Variants in RUNDC3B observed in about 807,000 individuals in gnomAD.
RUNDC3B encodes the protein RUN domain containing 3B.
A neutral mutation model predicts 58.4 loss-of-function variants in RUNDC3B; 33 were observed. The observed-to-expected ratio is 0.56, with a 90% CI of 0.43 to 0.75. The LOEUF (loss-of-function observed/expected upper bound fraction) is 0.75. RUNDC3B is among the 30% of genes least tolerant of loss of function. The pLI is 0.00. For missense variants in RUNDC3B, 501 were observed against 535.7 expected, an observed-to-expected ratio of 0.94 and a Z score of 0.64; for synonymous variants, 193 against 195.2, an observed-to-expected ratio of 0.99 and a Z score of 0.10.
At chr7:87,768,937 A>C (rs1323285673) in intron 6 of RUNDC3B, among the ~76,000 whole-genome samples, 1 of 152,058 alleles carries the variant, frequency 6.6e-6, no homozygotes, top group African/African-American at 2.4e-5. Context: ...TTATGATAGA[A>C]TCAGAAATCC....
intron 6 of RUNDC3B, among the ~76,000 whole-genome samples, chr7:87,762,678 G>A (rs1293616605): frequency 6.6e-6 from 1 of 151,228 alleles, no homozygotes; most frequent in African/African-American, 2.4e-5. Flanking sequence ...CATTGTAAAT[G>A]CATTTCAATT....
At chr7:87,824,991 T>G (rs1837718682) in intron 10 of RUNDC3B, among the ~76,000 whole-genome samples, 1 of 151,982 alleles carries the variant, frequency 6.6e-6, no homozygotes, top group Non-Finnish European at 1.5e-5. Flanking sequence ...TTCAGAAAAT[T>G]TGCAGCCTGA....
In RUNDC3B at chr7:87,628,845, G is replaced by A; in HGVS notation, c.22G>A (p.Gly8Ser). Residue 8 changes from glycine (G) to serine (S), a missense_variant, in exon 1 of 11, where the codon GGC becomes AGC. Physicochemically the swap from Gly to Ser is moderately conservative, Grantham distance 56. Transcript: ENST00000394654. MASRSLGGLSGIRGGGGG... is the reference protein window; with the variant it reads MASRSLGSLSGIRGGGGG... ...CGCCATGGCCTCCCGGAGCCTGGGG[G>A]GCCTGAGCGGGATCCGCGGCGGTGG... 2 of 1,266,994 alleles carry A rather than the reference G, an allele frequency of 1.6e-6. No individual in the cohort carries two copies. Among genetic ancestry groups the A allele is most frequent in the Non-Finnish European group, 2.0e-6 (2 of 998,802 alleles). 78.5% of individuals were successfully genotyped at this position (1,266,994 alleles called of 1,614,324 possible). A position where few individuals can be genotyped will look rare whatever the true frequency, so the allele number is the denominator to read the frequency against.
chr7:87,638,779 C>G (rs1195245346), intron 1 of RUNDC3B, among the ~76,000 whole-genome samples: 1 of 151,982 alleles, frequency 6.6e-6, no homozygotes, highest in African/African-American at 2.4e-5. Flanking sequence ...AAAGAACCAG[C>G]GTTTGACTTT....
intron 10 of RUNDC3B, among the ~76,000 whole-genome samples, chr7:87,829,069 T>A (rs572776182): frequency 6.6e-5 from 10 of 152,168 alleles, no homozygotes; most frequent in African/African-American, 2.4e-4. Flanking sequence ...TCTCTGATGA[T>A]TACTGATGAT....
intron 4 of RUNDC3B, among the ~76,000 whole-genome samples, chr7:87,724,992 AAAAC>A (rs1380860282): frequency 2.0e-5 from 3 of 152,154 alleles, no homozygotes; most frequent in Non-Finnish European, 2.9e-5. Flanking sequence ...ATATCAATAA[AAAAC>A]AAAGGCTTAT....
rs921555665 is a variant in RUNDC3B at position 87,687,861 on chromosome 7, T to A, written c.239-12560T>A. The stretch of plus-strand genomic sequence containing the variant: ...CTCCCCATGAGGCCATCTTTTGAAG[T>A]ACAGTGTAAACACTGTTAGAAACAA... On this transcript the variant is annotated intron_variant, in intron 2 of 10. Transcript: ENST00000394654. Among the ~76,000 whole-genome samples the A allele has an allele frequency of 3.3e-5, 5 of 152,196 alleles. No homozygotes were observed. The East Asian group carries it at 9.6e-4, about 29-fold the overall frequency.
rs985325439 is a variant in RUNDC3B at position 87,830,266 on chromosome 7, T to TAA, written c.*248_*249dup. On this transcript the variant is annotated 3_prime_UTR_variant, in exon 11 of 11. Transcript: ENST00000394654. Reference sequence around the variant, plus strand: ...AGAAAGTTCAAAATGGAATAGGCTTTAAAAAAAAAAAAACTTTCAAAGATC... The same window carrying TAA: ...AGAAAGTTCAAAATGGAATAGGCTTTAAAAAAAAAAAAAAACTTTCAAAGATC... The TAA allele has an allele frequency of 1.5e-3, 346 of 226,050 alleles. No homozygotes were observed. The highest frequency in any genetic ancestry group is 2.8e-3 in the Middle Eastern group (2 of 714). 14.0% of individuals were successfully genotyped at this position (226,050 alleles called of 1,614,324 possible). A position where few individuals can be genotyped will look rare whatever the true frequency, so the allele number is the denominator to read the frequency against.
intron 10 of RUNDC3B, among the ~76,000 whole-genome samples, chr7:87,822,715 A>G (rs1463998313): frequency 6.6e-6 from 1 of 152,238 alleles, no homozygotes; most frequent in African/African-American, 2.4e-5. Context: ...GCCATAAAAA[A>G]TTGAGAGTTC....
At chr7:87,767,567 A>C (rs1834037436) in intron 6 of RUNDC3B, among the ~76,000 whole-genome samples, 1 of 151,904 alleles carries the variant, frequency 6.6e-6, no homozygotes. Flanking sequence ...TGTAGGTCCC[A>C]GGGCACTTAT....
chr7:87,799,889 A>G (rs1038524856), intron 8 of RUNDC3B, among the ~76,000 whole-genome samples: 6 of 150,980 alleles, frequency 4.0e-5, no homozygotes, highest in Admixed American at 3.3e-4. Context: ...CCGTCTCAAA[A>G]AAAAAAAAAA....
chr7:87,794,153 C>CA (rs1445755458), intron 8 of RUNDC3B, among the ~76,000 whole-genome samples: 4 of 152,092 alleles, frequency 2.6e-5, no homozygotes, highest in African/African-American at 9.7e-5. Flanking sequence ...AACTGTAAAA[C>CA]AGGCCAGACG....
At chr7:87,792,744 A>G (rs1482752258) in intron 8 of RUNDC3B, among the ~76,000 whole-genome samples, 1 of 152,078 alleles carries the variant, frequency 6.6e-6, no homozygotes, top group Non-Finnish European at 1.5e-5. Flanking sequence ...ATAAGTTCCT[A>G]TATCAAAAAA....
At chr7:87,639,125 G>A (rs1388655501) in intron 1 of RUNDC3B, among the ~76,000 whole-genome samples, 1 of 123,760 alleles carries the variant, frequency 8.1e-6, no homozygotes, top group Non-Finnish European at 1.6e-5. Flanking sequence ...CTGCACTCCA[G>A]CCTGGGCGAC....
intron 2 of RUNDC3B, among the ~76,000 whole-genome samples, chr7:87,673,380 A>G (rs1164058342): frequency 6.6e-6 from 1 of 152,126 alleles, no homozygotes; most frequent in East Asian, 1.9e-4. Context: ...TTGTCTCTTT[A>G]CATAATCCCA....
intron 6 of RUNDC3B, among the ~76,000 whole-genome samples, chr7:87,763,323 T>C (rs1171955717): frequency 2.0e-5 from 3 of 151,668 alleles, no homozygotes; most frequent in Non-Finnish European, 4.4e-5. Context: ...ACTCTCAATA[T>C]TTGTTTAGGT....
chr7:87,656,200 A>T (rs1473045250), intron 2 of RUNDC3B, among the ~76,000 whole-genome samples: 1 of 152,172 alleles, frequency 6.6e-6, no homozygotes, highest in African/African-American at 2.4e-5. Flanking sequence ...ATTCCATGAT[A>T]TATACAAATT....
At chr7:87,653,299 C>T (rs568509999) in intron 2 of RUNDC3B, among the ~76,000 whole-genome samples, 2 of 152,180 alleles carry the variant, frequency 1.3e-5, no homozygotes, top group East Asian at 3.9e-4. Flanking sequence ...ATAAAAGCCA[C>T]TGCAAAAGCT....
chr7:87,816,090 T>C, intron 9 of RUNDC3B, 51 bp from the exon 10 acceptor site: 1 of 1,349,790 alleles, frequency 7.4e-7, no homozygotes, highest in Non-Finnish European at 1.0e-6. Flanking sequence ...ACTCAAGAAA[T>C]TATTTTTTTG....
Sources: gnomAD v4.1 joint callset for allele counts (sites outside exome capture counted in the v4.1 genomes callset) on GRCh38, gnomAD v4.1.1 for gene constraint, MANE v1.5 for transcripts, NCBI Gene and HGNC (gene_info 2026-07-23, HGNC 2026-07-21) for gene names.